The following MMP26 variants were observed in gnomAD, a reference collection of about 807,000 sequenced individuals.
The protein encoded by MMP26 is matrix metallopeptidase 26.
A neutral mutation model predicts 31.0 loss-of-function variants in MMP26; 33 were observed. The ratio of observed to expected loss-of-function variants is 1.06; its 90% CI spans 0.81 to 1.42. MMP26 has a LOEUF of 1.42. MMP26 is among the 40% of genes most tolerant of loss of function. The pLI, the probability that MMP26 is intolerant of heterozygous loss-of-function variation, is 0.00. For missense variants in MMP26, 347 were observed against 316.1 expected, an observed-to-expected ratio of 1.10 and a Z score of -0.74; for synonymous variants, 122 against 114.9, an observed-to-expected ratio of 1.06 and a Z score of -0.40.
At chr11:4,897,855 C>G (rs116328123) in intron 2 of MMP26, among the ~76,000 whole-genome samples, 8,718 of 149,920 alleles carry the variant, frequency 0.058, 353 homozygotes, top group South Asian at 0.2. Context: ...GCAAACCTCT[C>G]TATATGTTGT....
At chr11:4,707,835 A>T (rs1332265367) in intron 1 of MMP26, among the ~76,000 whole-genome samples, 1 of 151,972 alleles carries the variant, frequency 6.6e-6, no homozygotes, top group Non-Finnish European at 1.5e-5. Flanking sequence ...TGTGCTAGCC[A>T]TTTTTTCTGG....
At chr11:4,983,039 CTA>C (rs1266324094) in intron 2 of MMP26, among the ~76,000 whole-genome samples, 3 of 152,220 alleles carry the variant, frequency 2.0e-5, no homozygotes, top group African/African-American at 7.2e-5. Flanking sequence ...ATAGACCATT[CTA>C]TGAGACGGTA....
At chr11:4,804,588 A>G (rs753494182) in intron 2 of MMP26, 6 of 753,190 alleles carry the variant, frequency 8.0e-6, no homozygotes, top group Non-Finnish European at 1.5e-5. Context: ...TGTTTTTCGT[A>G]CTTATGTCAT....
At chr11:4,820,763 T>A (rs1254198038) in intron 2 of MMP26, among the ~76,000 whole-genome samples, 1 of 152,200 alleles carries the variant, frequency 6.6e-6, no homozygotes, top group Non-Finnish European at 1.5e-5. Context: ...GAGTCTTAGC[T>A]TGCTCATCTG....
At chr11:4,744,484 G>T (rs1043236549) in intron 1 of MMP26, among the ~76,000 whole-genome samples, 2 of 151,524 alleles carry the variant, frequency 1.3e-5, no homozygotes, top group African/African-American at 4.8e-5. Context: ...CATGACCATT[G>T]TCTCTTGGAT....
At chr11:4,913,928 T>G (rs899432975) in intron 2 of MMP26, 4 of 152,210 alleles carry the variant, frequency 2.6e-5, no homozygotes, top group African/African-American at 9.6e-5. Flanking sequence ...TTCCCCCAGC[T>G]AGGGGAAGAC....
At chr11:4,972,723 G>A (rs541910714) in intron 2 of MMP26, among the ~76,000 whole-genome samples, 2 of 152,262 alleles carry the variant, frequency 1.3e-5, no homozygotes, top group South Asian at 4.1e-4. Flanking sequence ...GGAGTGGTAA[G>A]GGAAACTGCA....
chr11:4,737,812 A>G (rs1413701853), intron 1 of MMP26, among the ~76,000 whole-genome samples: 1 of 152,210 alleles, frequency 6.6e-6, no homozygotes, highest in Non-Finnish European at 1.5e-5. Flanking sequence ...TCAAAGTGGT[A>G]TTCATTTTTA....
intron 2 of MMP26, chr11:4,944,686 TATGCA>T (rs1846267620): frequency 6.6e-6 from 1 of 152,224 alleles, no homozygotes; most frequent in South Asian, 2.1e-4. Flanking sequence ...ATTTTCGCAA[TATGCA>T]AGATTTTGAG....
At chr11:4,742,990 C>T (rs555842459) in intron 1 of MMP26, among the ~76,000 whole-genome samples, 7 of 152,030 alleles carry the variant, frequency 4.6e-5, no homozygotes, top group Non-Finnish European at 8.8e-5. Context: ...GATTTTAATT[C>T]CATCCGTGTA....
chr11:4,983,508 C>T (rs1285782805), intron 2 of MMP26, among the ~76,000 whole-genome samples: 2 of 152,146 alleles, frequency 1.3e-5, no homozygotes, highest in African/African-American at 4.8e-5. Context: ...ATTACGTTTT[C>T]TCATTTCTTC....
intron 2 of MMP26, among the ~76,000 whole-genome samples, chr11:4,811,740 A>G (rs1291891180): frequency 6.6e-6 from 1 of 151,776 alleles, no homozygotes; most frequent in Admixed American, 6.6e-5. Context: ...TTCATTTCTG[A>G]CTCTTCCACA....
At chr11:4,705,812 A>AC (rs1847768211) in intron 1 of MMP26, among the ~76,000 whole-genome samples, 1 of 151,986 alleles carries the variant, frequency 6.6e-6, no homozygotes, top group Admixed American at 6.6e-5. Context: ...ACATGGTGAA[A>AC]CCCCATCTCT....
intron 2 of MMP26, among the ~76,000 whole-genome samples, chr11:4,970,536 G>C (rs1015305179): frequency 6.6e-6 from 1 of 152,228 alleles, no homozygotes; most frequent in Admixed American, 6.5e-5. Context: ...AGTGAGTATA[G>C]AGAGGTGAGC....
chr11:4,723,643 T>A, intron 1 of MMP26: 1 of 869,098 alleles, frequency 1.2e-6, no homozygotes, highest in Non-Finnish European at 2.0e-6. Context: ...ATTGATCTCA[T>A]CCTCATACTT....
chr11:4,906,196 T>C (rs1160364897), intron 2 of MMP26, among the ~76,000 whole-genome samples: 1 of 152,188 alleles, frequency 6.6e-6, no homozygotes, highest in African/African-American at 2.4e-5. Context: ...GAAATAAGAA[T>C]ACGTAACTCC....
chr11:4,802,595 C>T (rs1234032618), intron 2 of MMP26, among the ~76,000 whole-genome samples: 1 of 151,906 alleles, frequency 6.6e-6, no homozygotes, highest in African/African-American at 2.4e-5. Flanking sequence ...CACTGTATCA[C>T]ATAAATATGT....
At chr11:4,803,612 G>T (rs1197930232) in intron 2 of MMP26, 1 of 1,613,826 alleles carries the variant, frequency 6.2e-7, no homozygotes, top group Non-Finnish European at 8.5e-7. Flanking sequence ...AAAAGGGCTG[G>T]GATATAAAGA....
chr11:4,742,829 A>G (rs779762576), intron 1 of MMP26, among the ~76,000 whole-genome samples: 9 of 152,204 alleles, frequency 5.9e-5, no homozygotes, highest in Non-Finnish European at 1.2e-4. Flanking sequence ...AGAATCCTAC[A>G]ATGTGTCAGG....
Sources: allele counts gnomAD v4.1 joint callset (sites outside exome capture counted in the v4.1 genomes callset), GRCh38; gene constraint gnomAD v4.1.1; transcripts MANE v1.5; gene names NCBI Gene and HGNC (gene_info 2026-07-23, HGNC 2026-07-21).